Variants in CREBRF observed in about 807,000 individuals in gnomAD.
CREBRF encodes UPF0474 protein C5orf41.
CREBRF carries 5 observed loss-of-function variants against 66.1 expected under a neutral mutation model. That is an observed-to-expected ratio of 0.08 (90% CI 0.04 to 0.16). The LOEUF (loss-of-function observed/expected upper bound fraction) is 0.16, where lower values mean the gene tolerates loss of function less well. Ranked by LOEUF, CREBRF falls within the 10% of genes least tolerant of loss-of-function variation. The pLI is 1.00. For missense variants in CREBRF, 531 were observed against 744.9 expected (o/e 0.71, Z 3.34); for synonymous variants, 229 against 264.4 (o/e 0.87, Z 1.30).
At chr5:173,099,145 T>G (rs1005019467) in intron 4 of CREBRF, among the ~76,000 whole-genome samples, 2 of 152,204 alleles carry the variant, frequency 1.3e-5, no homozygotes, top group Non-Finnish European at 2.9e-5. Flanking sequence ...TCTTCACTTA[T>G]GGCTTACATG....
In CREBRF at chr5:173,090,772, C is replaced by T. The variant is rs760826924; in HGVS notation, c.593C>T (p.Ser198Leu). The change falls in exon 4 of 9, where the codon TCA becomes TTA. Residue 198 changes from serine to leucine, a missense_variant. Coordinates refer to ENST00000296953, the MANE Select transcript of CREBRF (RefSeq NM_153607.3). The surrounding 1 kb of genome is among the most constrained non-coding windows in gnomAD (Gnocchi z 4.5). ...SKTLQAEVPL[S>L]DCVQKASKPT... ...ACTCTGCAGGCTGAGGTCCCTTTGTCAGACTGTGTCCAAAAAGCAAGTAAA... is the reference window on the plus strand; with the variant it reads ...ACTCTGCAGGCTGAGGTCCCTTTGTTAGACTGTGTCCAAAAAGCAAGTAAA... 4.7e-5 allele frequency: 76 copies of T among 1,614,014 alleles called. No individual in the cohort carries two copies. Among genetic ancestry groups the T allele is most frequent in the Non-Finnish European group, 4.2e-6 (5 of 1,180,036 alleles).
chr5:173,065,700 A>G (rs920871305), intron 1 of CREBRF, among the ~76,000 whole-genome samples: 2 of 140,024 alleles, frequency 1.4e-5, no homozygotes, highest in African/African-American at 5.4e-5. Flanking sequence ...AGGATGGTGC[A>G]GTGGCACAGT....
At chr5:173,074,273 C>A (rs1757685784) in intron 1 of CREBRF, among the ~76,000 whole-genome samples, 1 of 150,020 alleles carries the variant, frequency 6.7e-6, no homozygotes, top group Non-Finnish European at 1.5e-5. Context: ...TGCACTCCAG[C>A]CTAGGCAACA....
intron 3 of CREBRF, among the ~76,000 whole-genome samples, chr5:173,086,879 T>A (rs1234083324): frequency 6.6e-6 from 1 of 151,844 alleles, no homozygotes; most frequent in African/African-American, 2.4e-5. Flanking sequence ...CAGGTTCAAA[T>A]GATTCTTCTG....
At position 173,090,233 on chromosome 5, in the gene CREBRF, T is replaced by C; in HGVS notation, c.136-82T>C. ...GTTAAAACAGACCAAAAGTCAAGTATTGATTTATCAGTTTGACATATGGAG... is the reference window on the plus strand; with the variant it reads ...GTTAAAACAGACCAAAAGTCAAGTACTGATTTATCAGTTTGACATATGGAG... On this transcript the variant is annotated intron_variant, in intron 3 of 8. Coordinates refer to ENST00000296953, the MANE Select transcript of CREBRF (RefSeq NM_153607.3). This position sits in a 1 kb window ranked among gnomAD's most constrained non-coding sequence, Gnocchi z 4.5. The C allele has an allele frequency of 2.6e-6, 3 of 1,143,102 alleles. No homozygotes were observed. The highest frequency in any genetic ancestry group is 3.7e-6 in the Non-Finnish European group (3 of 807,826). The allele number at this position is 1,143,102 out of a possible 1,614,324, so 70.8% of individuals were successfully genotyped here.
intron 8 of CREBRF, among the ~76,000 whole-genome samples, chr5:173,125,891 T>G (rs944669975): frequency 6.6e-6 from 1 of 151,826 alleles, no homozygotes; most frequent in Non-Finnish European, 1.5e-5. Context: ...CAAAAAAACA[T>G]GGCACGCCAG....
At chr5:173,100,285 TTA>T (rs1317923150) in intron 4 of CREBRF, among the ~76,000 whole-genome samples, 1 of 150,202 alleles carries the variant, frequency 6.7e-6, no homozygotes, top group Non-Finnish European at 1.5e-5. Context: ...CAAAATTATT[TTA>T]TATATAGTTA....
chr5:173,120,683 CTTTTTTTTTTTTTT>C lies in CREBRF; in HGVS notation c.1682-2381_1682-2368del, dbSNP rs70984942. Among the ~76,000 whole-genome samples, 208 of 51,284 alleles carry C rather than the reference CTTTTTTTTTTTTTT, an allele frequency of 4.1e-3. 2 individuals are homozygous for C. The highest frequency in any genetic ancestry group is 0.019 in the Middle Eastern group (1 of 54). The allele number at this position is 51,284 out of a possible 152,430, so 33.6% of individuals were successfully genotyped here. ...GATGTGAGCCACCGTGCCTGAGCCTCTTTTTTTTTTTTTTTTTTTTTTTTTTTTTGAGATGGAGT... is the reference window on the plus strand; with the variant it reads ...GATGTGAGCCACCGTGCCTGAGCCTCTTTTTTTTTTTTTTTGAGATGGAGT... On this transcript the variant is annotated intron_variant, in intron 7 of 8. Transcript: ENST00000296953.
At chr5:173,083,007 A>G (rs1262307170) in intron 2 of CREBRF, among the ~76,000 whole-genome samples, 1 of 147,728 alleles carries the variant, frequency 6.8e-6, no homozygotes, top group East Asian at 2.0e-4. Flanking sequence ...CAGGCTGATC[A>G]CTTGAGGTCA....
chr5:173,105,691 C>T (rs1758731884), intron 4 of CREBRF, among the ~76,000 whole-genome samples: 1 of 83,038 alleles, frequency 1.2e-5, no homozygotes, highest in South Asian at 3.5e-4. Flanking sequence ...GTCTTGAATT[C>T]CTGACCTCGT....
intron 7 of CREBRF, among the ~76,000 whole-genome samples, chr5:173,116,646 G>A (rs1758997358): frequency 6.6e-6 from 1 of 151,950 alleles, no homozygotes; most frequent in South Asian, 2.1e-4. Flanking sequence ...TGGATACTTA[G>A]GTTGTTTCAA....
chr5:173,135,082 T>G lies in CREBRF; in HGVS notation c.*1337T>G, dbSNP rs757643384. On this transcript the variant is annotated 3_prime_UTR_variant, in exon 9 of 9. Coordinates refer to ENST00000296953, the MANE Select transcript of CREBRF (RefSeq NM_153607.3). The stretch of plus-strand genomic sequence containing the variant: ...ATTTTTATTGTATTATGTATATATA[T>G]ATATGTAAAGAAAGAAAAAAGCTAA... 7.9e-5 allele frequency: 12 copies of G among 152,460 alleles called. No individual in the cohort carries two copies. Among genetic ancestry groups the G allele is most frequent in the Non-Finnish European group, 1.5e-4 (10 of 67,932 alleles). 9.4% of individuals were successfully genotyped at this position (152,460 alleles called of 1,614,324 possible).
chr5:173,105,003 TG>T (rs773365273), intron 4 of CREBRF, among the ~76,000 whole-genome samples: 4 of 152,156 alleles, frequency 2.6e-5, no homozygotes, highest in Non-Finnish European at 5.9e-5. Flanking sequence ...GGGAAGCCCC[TG>T]AGACACCTTG....
At chr5:173,107,419 G>C (rs1484682829) in intron 4 of CREBRF, among the ~76,000 whole-genome samples, 2 of 152,100 alleles carry the variant, frequency 1.3e-5, no homozygotes, top group Admixed American at 1.3e-4. Context: ...TCAATACTGG[G>C]TCTGACCAAC....
intron 8 of CREBRF, among the ~76,000 whole-genome samples, chr5:173,132,109 G>T (rs1195752103): frequency 6.9e-6 from 1 of 145,336 alleles, no homozygotes; most frequent in African/African-American, 2.5e-5. Context: ...TTTTGAGATG[G>T]AGTTTCACTC....
At chr5:173,080,489 C>T (rs901544647) in intron 1 of CREBRF, 96 bp from the exon 2 acceptor site, 6 of 470,690 alleles carry the variant, frequency 1.3e-5, no homozygotes, top group Non-Finnish European at 2.3e-5. Context: ...GTACAGTATT[C>T]TCTGCTAATA....
At chr5:173,084,726 C>G (rs1206811391) in intron 2 of CREBRF, among the ~76,000 whole-genome samples, 1 of 152,116 alleles carries the variant, frequency 6.6e-6, no homozygotes, top group Non-Finnish European at 1.5e-5. Context: ...ACTGCAAGCT[C>G]CACCTCCCGG....
At chr5:173,113,348 G>C (rs1322606824) in intron 7 of CREBRF, among the ~76,000 whole-genome samples, 1 of 149,056 alleles carries the variant, frequency 6.7e-6, no homozygotes, top group East Asian at 2.0e-4. Flanking sequence ...TCGCCCTGTT[G>C]CCCAGGATGG....
chr5:173,080,663 G>A lies in CREBRF; in HGVS notation c.-113G>A. Reference sequence around the variant, plus strand: ...TGGAAGCACTCTGGGGAAACCTGCTGTTTATTGTGGAAATCATCTTCGATC... The same window carrying A: ...TGGAAGCACTCTGGGGAAACCTGCTATTTATTGTGGAAATCATCTTCGATC... On this transcript the variant is annotated 5_prime_UTR_variant, in exon 2 of 9. Coordinates refer to ENST00000296953, the MANE Select transcript of CREBRF (RefSeq NM_153607.3). 1 of 1,108,418 alleles carries A rather than the reference G, an allele frequency of 9.0e-7. No homozygotes were observed. Among genetic ancestry groups the A allele is most frequent in the South Asian group, 1.3e-5 (1 of 75,688 alleles). The allele number at this position is 1,108,418 out of a possible 1,614,324, so 68.7% of individuals were successfully genotyped here.
Sources: allele counts gnomAD v4.1 joint callset (sites outside exome capture counted in the v4.1 genomes callset), GRCh38; gene constraint gnomAD v4.1.1; non-coding constraint Gnocchi (gnomAD v3.1); transcripts MANE v1.5; gene names NCBI Gene and HGNC (gene_info 2026-07-23, HGNC 2026-07-21).